ELAPOR2: variants seen among roughly 807,000 people sequenced by gnomAD.
The protein encoded by ELAPOR2 is endosome/lysosome-associated apoptosis and autophagy regulator family member 2.
In ELAPOR2, 89 loss-of-function variants were observed where a neutral mutation model predicts 120.7. The ratio of observed to expected loss-of-function variants is 0.74; its 90% CI spans 0.62 to 0.88. The LOEUF is 0.88. ELAPOR2 is among the 40% of genes least tolerant of loss of function. The probability of loss-of-function intolerance (pLI) is 0.00; values close to 1 mark genes in which losing one functional copy is unlikely to be tolerated. For missense variants in ELAPOR2, 1,134 were observed against 1,251.6 expected, an observed-to-expected ratio of 0.91 and a Z score of 1.42; for synonymous variants, 444 against 444.9, an observed-to-expected ratio of 1.00 and a Z score of 0.03.
At chr7:86,908,219 T>C (rs553667257) in intron 17 of ELAPOR2, among the ~76,000 whole-genome samples, 89 of 151,652 alleles carry the variant, frequency 5.9e-4, no homozygotes, top group African/African-American at 2.1e-3. Flanking sequence ...AAATATTCCA[T>C]GTTTCCTACT....
At chr7:87,042,966 G>C (rs554457526) in intron 1 of ELAPOR2, among the ~76,000 whole-genome samples, 4 of 152,144 alleles carry the variant, frequency 2.6e-5, no homozygotes, top group Non-Finnish European at 5.9e-5. Context: ...ACTACCATCA[G>C]TGAATACTAC....
chr7:87,048,718 T>C (rs1293125060), intron 1 of ELAPOR2, among the ~76,000 whole-genome samples: 1 of 152,204 alleles, frequency 6.6e-6, no homozygotes, highest in African/African-American at 2.4e-5. Context: ...TGCATGCCTG[T>C]ATCAAAACAA....
At chr7:86,938,730 G>T in intron 7 of ELAPOR2, 78 bp downstream of exon 7, 1 of 1,475,258 alleles carries the variant, frequency 6.8e-7, no homozygotes, top group Non-Finnish European at 9.4e-7. Flanking sequence ...ATACTTTATG[G>T]GTGACTTCTG....
intron 1 of ELAPOR2, among the ~76,000 whole-genome samples, chr7:87,039,916 C>T (rs1255571211): frequency 6.6e-6 from 1 of 152,142 alleles, no homozygotes; most frequent in Non-Finnish European, 1.5e-5. Flanking sequence ...GGTGCGCGCA[C>T]CGTGCACGAG....
intron 1 of ELAPOR2, among the ~76,000 whole-genome samples, chr7:87,027,063 G>T (rs1794268381): frequency 6.6e-6 from 1 of 152,096 alleles, no homozygotes; most frequent in Non-Finnish European, 1.5e-5. Flanking sequence ...ATACTGTGGG[G>T]TCAGATGTTG....
chr7:86,998,872 T>A (rs1324751296), intron 1 of ELAPOR2, among the ~76,000 whole-genome samples: 1 of 151,252 alleles, frequency 6.6e-6, no homozygotes, highest in South Asian at 2.1e-4. Context: ...TCAAAGAACC[T>A]GAGAAACTGT....
intron 1 of ELAPOR2, among the ~76,000 whole-genome samples, chr7:87,053,368 G>A (rs1312327753): frequency 6.6e-6 from 1 of 152,160 alleles, no homozygotes. Flanking sequence ...AACATATCAT[G>A]TACTAGGGGA....
intron 8 of ELAPOR2, among the ~76,000 whole-genome samples, chr7:86,937,304 A>C (rs1409059452): frequency 6.6e-6 from 1 of 152,160 alleles, no homozygotes; most frequent in Non-Finnish European, 1.5e-5. Context: ...TCTAGATTAG[A>C]ATCTAGGGAT....
chr7:86,987,107 A>G (rs985041392), intron 1 of ELAPOR2, among the ~76,000 whole-genome samples: 4 of 152,180 alleles, frequency 2.6e-5, no homozygotes, highest in African/African-American at 9.7e-5. Context: ...AGGATTTCCT[A>G]TTTAATAAAT....
chr7:87,010,608 G>A (rs929105635), intron 1 of ELAPOR2, among the ~76,000 whole-genome samples: 8 of 152,268 alleles, frequency 5.3e-5, no homozygotes, highest in African/African-American at 1.9e-4. Context: ...TTGTTCTGCT[G>A]CTGTCTTTAC....
At chr7:86,921,517 G>C in intron 10 of ELAPOR2, among the ~76,000 whole-genome samples, 1 of 151,984 alleles carries the variant, frequency 6.6e-6, no homozygotes, top group South Asian at 2.1e-4. Context: ...TCCCCTAAAG[G>C]CTTCAGAGAG....
At chr7:87,022,545 G>C (rs1354175242) in intron 1 of ELAPOR2, among the ~76,000 whole-genome samples, 1 of 152,072 alleles carries the variant, frequency 6.6e-6, no homozygotes, top group Non-Finnish European at 1.5e-5. Context: ...AAACATGTGT[G>C]CATGTATCTT....
chr7:86,882,487 A>AG (rs1799458951), intron 21 of ELAPOR2, among the ~76,000 whole-genome samples: 1 of 152,198 alleles, frequency 6.6e-6, no homozygotes, highest in Non-Finnish European at 1.5e-5. Context: ...TTGAGATAAT[A>AG]GGGCTTTAAT....
rs186931711 is a variant in ELAPOR2, at chr7:86,966,967, T to A, written c.190-1943A>T. ...ACTTTCTCAAGATTCTCACTTTAAA[T>A]CTTCAAAGTCCTATTTTGTCATATA... is the stretch of plus-strand genomic sequence containing the variant. On this transcript the variant is annotated intron_variant, in intron 1 of 21. Coordinates refer to ENST00000450689, the MANE Select transcript of ELAPOR2 (RefSeq NM_001142749.3). 6.6e-5 allele frequency among the ~76,000 whole-genome samples: 10 copies of A among 152,266 alleles called. No individual in the cohort carries two copies. In the East Asian group the frequency reaches 1.4e-3, roughly 21 times the overall value.
At chr7:87,020,473 TGGATAAAC>T (rs1794002745) in intron 1 of ELAPOR2, among the ~76,000 whole-genome samples, 1 of 152,128 alleles carries the variant, frequency 6.6e-6, no homozygotes, top group African/African-American at 2.4e-5. Flanking sequence ...TACTATAATG[TGGATAAAC>T]CTCTAAAATA....
chr7:86,892,413 T>C (rs1788209112), intron 20 of ELAPOR2, among the ~76,000 whole-genome samples: 1 of 152,060 alleles, frequency 6.6e-6, no homozygotes, highest in Non-Finnish European at 1.5e-5. Flanking sequence ...ATTCAAGTCC[T>C]ATAAGAGATC....
At chr7:86,914,087 G>A (rs1789448731) in intron 13 of ELAPOR2, among the ~76,000 whole-genome samples, 1 of 152,078 alleles carries the variant, frequency 6.6e-6, no homozygotes, top group Non-Finnish European at 1.5e-5. Context: ...ATAGCATTAC[G>A]GCCACTTTTG....
rs374577797 is a variant in ELAPOR2, at chr7:86,947,785, C to T, written c.448G>A (p.Ala150Thr). Residue 150 changes from alanine to threonine, a missense_variant, in exon 3 of 22, where the codon GCA becomes ACA. This residue lies in a region of ELAPOR2 where 280 missense variants were observed against 331.5 expected (regional missense o/e 0.84). Transcript: ENST00000450689. ...CCCACCACAGTGTCCATGAATGTTG[C>T]GATGTTAGAAAATCCTGCCGGCAAT... is the stretch of plus-strand genomic sequence containing the variant. ...DELPAGFSNIATFMDTVVGPS... is the reference protein window; with the variant it reads ...DELPAGFSNITTFMDTVVGPS... 5.2e-6 allele frequency: 8 copies of T among 1,551,600 alleles called. No homozygotes were observed. Among genetic ancestry groups the T allele is most frequent in the South Asian group, 1.2e-5 (1 of 84,060 alleles).
At chr7:86,964,824 A>G (rs62488047) in intron 2 of ELAPOR2, 80 bp downstream of exon 2, 198 of 1,463,966 alleles carry the variant, frequency 1.4e-4, no homozygotes, top group Non-Finnish European at 1.4e-4. Context: ...TCCTACATTC[A>G]TTATAATTAA....
Sources: gnomAD v4.1 joint callset for allele counts (sites outside exome capture counted in the v4.1 genomes callset) on GRCh38, gnomAD v4.1.1 for gene constraint, gnomAD v4.1.1 regional missense constraint, MANE v1.5 for transcripts, NCBI Gene and HGNC (gene_info 2026-07-23, HGNC 2026-07-21) for gene names.